Variants in FSTL5 observed in about 807,000 individuals in gnomAD.
The protein encoded by FSTL5 is follistatin like 5, also known as follistatin-related protein 5.
FSTL5 carries 62 observed loss-of-function variants against 89.1 expected under a neutral mutation model. The ratio of observed to expected loss-of-function variants is 0.70; its 90% confidence interval spans 0.57 to 0.86. The LOEUF (loss-of-function observed/expected upper bound fraction) is 0.86. Ranked by LOEUF, FSTL5 falls within the 40% of genes least tolerant of loss-of-function variation. The pLI, the probability that FSTL5 is intolerant of heterozygous loss-of-function variation, is 0.00. For missense variants in FSTL5, 1,057 were observed against 1,001.6 expected, an observed-to-expected ratio of 1.06 and a Z score of -0.75; for synonymous variants, 383 against 346.2, an observed-to-expected ratio of 1.11 and a Z score of -1.18.
chr4:161,812,604 A>G (rs553543411), intron 4 of FSTL5, among the ~76,000 whole-genome samples: 1 of 152,134 alleles, frequency 6.6e-6, no homozygotes, highest in Non-Finnish European at 1.5e-5. Flanking sequence ...GAGGCTTTAA[A>G]GTAGTGTTTG....
At chr4:161,965,078 C>A (rs1005345202) in intron 3 of FSTL5, among the ~76,000 whole-genome samples, 2 of 152,050 alleles carry the variant, frequency 1.3e-5, no homozygotes, top group African/African-American at 4.8e-5. Flanking sequence ...AATTCGTAAG[C>A]ATACATTAAT....
At chr4:161,761,136 C>A (rs924599542) in intron 5 of FSTL5, among the ~76,000 whole-genome samples, 1 of 152,214 alleles carries the variant, frequency 6.6e-6, no homozygotes, top group Non-Finnish European at 1.5e-5. Flanking sequence ...AAAATCTTAT[C>A]TGGTTTAACT....
chr4:161,601,685 T>A (rs1734242602), intron 7 of FSTL5, among the ~76,000 whole-genome samples: 1 of 152,060 alleles, frequency 6.6e-6, no homozygotes, highest in Non-Finnish European at 1.5e-5. Context: ...CACTTAAAAC[T>A]GAGGATGGAC....
chr4:162,135,297 G>A (rs1184985655), intron 1 of FSTL5, among the ~76,000 whole-genome samples: 1 of 151,578 alleles, frequency 6.6e-6, no homozygotes, highest in African/African-American at 2.4e-5. Context: ...ATTTCAATAA[G>A]GTAGTTTTTC....
chr4:162,082,309 A>T, intron 2 of FSTL5, among the ~76,000 whole-genome samples: 1 of 151,826 alleles, frequency 6.6e-6, no homozygotes, highest in African/African-American at 2.4e-5. Context: ...TGCTATAAGA[A>T]TTGCTTATGA....
intron 2 of FSTL5, among the ~76,000 whole-genome samples, chr4:162,109,430 G>C (rs750693365): frequency 6.6e-6 from 1 of 151,880 alleles, no homozygotes; most frequent in African/African-American, 2.4e-5. Flanking sequence ...ATATGACCAG[G>C]CATTCTCTGT....
chr4:162,157,219 G>T (rs1733511246), intron 1 of FSTL5, among the ~76,000 whole-genome samples: 1 of 152,074 alleles, frequency 6.6e-6, no homozygotes, highest in African/African-American at 2.4e-5. Flanking sequence ...TGTACCTGCT[G>T]CGTATTGTAT....
In FSTL5 at chr4:161,649,568, A is replaced by C. The variant is rs142070213; in HGVS notation, c.894+6760T>G. ...TTAAATTTGAAATACAATAGATAATAATATCTAATCAATTCAGAAAAACAA... is the reference window on the plus strand; with the variant it reads ...TTAAATTTGAAATACAATAGATAATCATATCTAATCAATTCAGAAAAACAA... On this transcript the variant is annotated intron_variant, in intron 7 of 15. Coordinates refer to ENST00000306100, the MANE Select transcript of FSTL5 (RefSeq NM_020116.5). 6.0e-3 allele frequency among the ~76,000 whole-genome samples: 912 copies of C among 152,334 alleles called. 9 individuals are homozygous for C. The highest frequency in any genetic ancestry group is 0.045 in the South Asian group (219 of 4,832).
intron 4 of FSTL5, among the ~76,000 whole-genome samples, chr4:161,897,532 G>T (rs1472177443): frequency 1.4e-5 from 2 of 138,186 alleles, no homozygotes; most frequent in East Asian, 2.1e-4. Flanking sequence ...CCAAGATCGT[G>T]CCATTGCACT....
intron 2 of FSTL5, among the ~76,000 whole-genome samples, chr4:162,100,791 C>T (rs978667702): frequency 6.6e-6 from 1 of 152,096 alleles, no homozygotes; most frequent in African/African-American, 2.4e-5. Flanking sequence ...TCTTTGTACT[C>T]TGCTCAGTTT....
At chr4:161,864,876 A>T (rs1409186875) in intron 4 of FSTL5, among the ~76,000 whole-genome samples, 1 of 151,600 alleles carries the variant, frequency 6.6e-6, no homozygotes, top group Non-Finnish European at 1.5e-5. Flanking sequence ...GTCTCAAAAA[A>T]AAAAAAAAAA....
intron 2 of FSTL5, among the ~76,000 whole-genome samples, chr4:162,106,233 T>A (rs1731221014): frequency 6.6e-6 from 1 of 152,210 alleles, no homozygotes; most frequent in East Asian, 1.9e-4. Context: ...TTTAGATTTG[T>A]GGAGGTAGCT....
intron 3 of FSTL5, among the ~76,000 whole-genome samples, chr4:161,967,238 A>G (rs1735355200): frequency 6.6e-6 from 1 of 152,118 alleles, no homozygotes; most frequent in Non-Finnish European, 1.5e-5. Context: ...AGGGTTTGAC[A>G]TATTCCTGTT....
chr4:161,462,735 A>G (rs935326901), intron 13 of FSTL5, among the ~76,000 whole-genome samples: 16 of 152,148 alleles, frequency 1.1e-4, no homozygotes, highest in African/African-American at 3.9e-4. Flanking sequence ...TACCATTAGA[A>G]ACAGTAATTG....
intron 2 of FSTL5, among the ~76,000 whole-genome samples, chr4:162,089,819 T>A (rs1231879459): frequency 6.6e-6 from 1 of 152,264 alleles, no homozygotes; most frequent in Non-Finnish European, 1.5e-5. Context: ...GATAAAAATT[T>A]GCTTCTTTAT....
chr4:161,580,078 T>C (rs887106654), intron 8 of FSTL5, among the ~76,000 whole-genome samples: 8 of 152,156 alleles, frequency 5.3e-5, no homozygotes, highest in African/African-American at 1.9e-4. Flanking sequence ...ATTAGAACAT[T>C]TATATATTAA....
chr4:161,783,663 C>T lies in FSTL5; in HGVS notation c.410-7589G>A, dbSNP rs201316131. On this transcript the variant is annotated intron_variant, in intron 4 of 15. Transcript: ENST00000306100. ...TTTCTTTCTCTCTCTTTCTTTCTTT[C>T]TCTTTCTTTCTTTCTCTTTCTTTCT... Among the ~76,000 whole-genome samples, 5 of 61,870 alleles carry T rather than the reference C, an allele frequency of 8.1e-5. No individual in the cohort carries two copies. The East Asian group carries it at 1.8e-3, about 22-fold the overall frequency. 40.6% of individuals were successfully genotyped at this position (61,870 alleles called of 152,430 possible).
intron 3 of FSTL5, among the ~76,000 whole-genome samples, chr4:161,978,477 T>C (rs891393523): frequency 4.6e-5 from 7 of 152,052 alleles, no homozygotes; most frequent in Non-Finnish European, 1.5e-5. Context: ...TGCTGTTTTA[T>C]TTATTATTTT....
chr4:161,503,687 G>T (rs1408948067), intron 11 of FSTL5, among the ~76,000 whole-genome samples: 6 of 152,014 alleles, frequency 3.9e-5, no homozygotes, highest in South Asian at 2.1e-4. Flanking sequence ...CAAAAGGACT[G>T]GTTTTAGATA....
Sources: allele counts gnomAD v4.1 joint callset (sites outside exome capture counted in the v4.1 genomes callset), GRCh38; gene constraint gnomAD v4.1.1; transcripts MANE v1.5; gene names NCBI Gene and HGNC (gene_info 2026-07-23, HGNC 2026-07-21).